IFT74: variants seen among roughly 807,000 people sequenced by gnomAD.
The protein encoded by IFT74 is intraflagellar transport 74, also known as intraflagellar transport protein 74 homolog.
IFT74 carries 92 observed loss-of-function variants against 96.7 expected under a neutral mutation model. The observed-to-expected ratio is 0.95, with a 90% CI of 0.80 to 1.13. The LOEUF is 1.13. IFT74 is among the 50% of genes most tolerant of loss of function. The pLI, the probability that IFT74 is intolerant of heterozygous loss-of-function variation, is 0.00. For synonymous variants in IFT74, 223 were observed against 213.2 expected (o/e 1.05, Z -0.40); for missense variants, 811 against 698.2 (o/e 1.16, Z -1.82).
chr9:26,999,646 A>G (rs1472741134), intron 8 of IFT74: 19 of 1,609,504 alleles, frequency 1.2e-5, no homozygotes, highest in Admixed American at 3.4e-5. Context: ...TCTGATAATA[A>G]TATCATGGAG....
chr9:27,035,895 T>C (rs375341206), intron 13 of IFT74, among the ~76,000 whole-genome samples: 9 of 152,188 alleles, frequency 5.9e-5, no homozygotes, highest in African/African-American at 2.2e-4. Flanking sequence ...CAAGACAGCA[T>C]TGGGATTAGG....
At chr9:26,978,858 C>T (rs1333224189) in intron 3 of IFT74, among the ~76,000 whole-genome samples, 2 of 152,066 alleles carry the variant, frequency 1.3e-5, no homozygotes, top group Admixed American at 6.6e-5. Context: ...TATTAAATCT[C>T]TCATTATGCT....
chr9:26,998,902 G>C (rs1179251485), intron 8 of IFT74, among the ~76,000 whole-genome samples: 1 of 152,164 alleles, frequency 6.6e-6, no homozygotes, highest in East Asian at 1.9e-4. Context: ...GCTGAGGCAG[G>C]ATAATCGCTT....
At chr9:26,962,155 TG>T in intron 2 of IFT74, 68 bp downstream of exon 2, 1 of 1,522,404 alleles carries the variant, frequency 6.6e-7, no homozygotes. Flanking sequence ...TCCAGGAGAC[TG>T]GGGCTTCAGT....
intron 12 of IFT74, among the ~76,000 whole-genome samples, chr9:27,019,158 T>G (rs1416020108): frequency 6.6e-6 from 1 of 152,024 alleles, no homozygotes; most frequent in Non-Finnish European, 1.5e-5. Flanking sequence ...GATCTTGCTA[T>G]GTGGCCCAGG....
At chr9:27,011,504 C>T (rs1250407754) in intron 9 of IFT74, among the ~76,000 whole-genome samples, 1 of 151,940 alleles carries the variant, frequency 6.6e-6, no homozygotes, top group East Asian at 1.9e-4. Context: ...GATGTGAAAA[C>T]ACGGTTACAA....
chr9:27,003,730 A>G (rs1037295302), intron 8 of IFT74, among the ~76,000 whole-genome samples: 3 of 152,170 alleles, frequency 2.0e-5, no homozygotes, highest in Non-Finnish European at 4.4e-5. Context: ...ATTTGTTAGG[A>G]AAAGCTACTC....
chr9:27,014,609 T>TA (rs894903766), intron 10 of IFT74, among the ~76,000 whole-genome samples: 3 of 150,938 alleles, frequency 2.0e-5, no homozygotes, highest in African/African-American at 4.8e-5. Context: ...TCTTTCTTTT[T>TA]AAAAAAAAAA....
At chr9:27,053,885 C>G (rs1336413773) in intron 16 of IFT74, among the ~76,000 whole-genome samples, 1 of 152,174 alleles carries the variant, frequency 6.6e-6, no homozygotes, top group Non-Finnish European at 1.5e-5. Flanking sequence ...TTGTTCAGCT[C>G]TTTGATTCTC....
intron 4 of IFT74, among the ~76,000 whole-genome samples, chr9:26,981,007 C>G (rs1284307695): frequency 1.3e-5 from 2 of 152,072 alleles, no homozygotes; most frequent in Non-Finnish European, 2.9e-5. Flanking sequence ...CTGGTGGGCA[C>G]CTGTTTCTCA....
chr9:27,039,812 A>T (rs1819383655), intron 13 of IFT74, among the ~76,000 whole-genome samples: 1 of 152,134 alleles, frequency 6.6e-6, no homozygotes, highest in South Asian at 2.1e-4. Context: ...TTATCTACAG[A>T]GGGGTGGGGG....
At chr9:26,993,403 C>T (rs1827976304) in intron 8 of IFT74, 1 of 152,288 alleles carries the variant, frequency 6.6e-6, no homozygotes, top group African/African-American at 2.4e-5. Flanking sequence ...TATAAAGAAA[C>T]ATTAGCCATA....
intron 2 of IFT74, among the ~76,000 whole-genome samples, chr9:26,973,189 A>G (rs1172190014): frequency 3.9e-5 from 6 of 152,246 alleles, no homozygotes; most frequent in East Asian, 3.8e-4. Context: ...ATCATAAGGA[A>G]TTTGGCTGAG....
chr9:26,994,331 G>T (rs151194641), intron 8 of IFT74: 1 of 152,084 alleles, frequency 6.6e-6, no homozygotes, highest in East Asian at 1.9e-4. Context: ...GAGGTCAGGC[G>T]TTCGAGACCA....
chr9:27,008,731 AT>A (rs1250335484), intron 8 of IFT74, among the ~76,000 whole-genome samples: 1 of 152,140 alleles, frequency 6.6e-6, no homozygotes, highest in Non-Finnish European at 1.5e-5. Flanking sequence ...GTCATTAAGG[AT>A]TTTTTGGTAA....
At chr9:26,968,732 T>C (rs1398560615) in intron 2 of IFT74, among the ~76,000 whole-genome samples, 1 of 152,210 alleles carries the variant, frequency 6.6e-6, no homozygotes, top group Non-Finnish European at 1.5e-5. Context: ...TAATGATCCT[T>C]TGAGTTTCTG....
chr9:26,955,003 T>C (rs1445640731), upstream of IFT74, among the ~76,000 whole-genome samples: 2 of 152,194 alleles, frequency 1.3e-5, no homozygotes, highest in Admixed American at 1.3e-4. Flanking sequence ...CAGGGATCAA[T>C]ACTTACTACC....
At chr9:26,991,698 A>G (rs1827882904) in intron 8 of IFT74, among the ~76,000 whole-genome samples, 5 of 151,802 alleles carry the variant, frequency 3.3e-5, no homozygotes, top group Admixed American at 2.6e-4. Flanking sequence ...CATTTACTAT[A>G]TATAAGATAC....
intron 1 of IFT74, among the ~76,000 whole-genome samples, chr9:26,949,033 C>G (rs1244596230): frequency 6.6e-6 from 1 of 152,074 alleles, no homozygotes; most frequent in African/African-American, 2.4e-5. Flanking sequence ...TCTGGGGAAC[C>G]AATGCAGTTT....
Sources: allele counts gnomAD v4.1 joint callset (sites outside exome capture counted in the v4.1 genomes callset), GRCh38; gene constraint gnomAD v4.1.1; transcripts MANE v1.5; gene names NCBI Gene and HGNC (gene_info 2026-07-23, HGNC 2026-07-21).